The following FOXP2 variants were observed in gnomAD, a reference collection of about 807,000 sequenced individuals.
The protein encoded by FOXP2 is forkhead box protein P2.
FOXP2 carries 12 observed loss-of-function variants against 115.8 expected under a neutral mutation model. That is an observed-to-expected ratio of 0.10 (90% CI 0.07 to 0.17). The LOEUF (loss-of-function observed/expected upper bound fraction) is 0.17, where lower values mean the gene tolerates loss of function less well. FOXP2 is among the 10% of genes least tolerant of loss of function. The pLI, the probability that FOXP2 is intolerant of heterozygous loss-of-function variation, is 1.00. For missense variants in FOXP2, 629 were observed against 843.5 expected (o/e 0.75, Z 3.15); for synonymous variants, 328 against 297.7 (o/e 1.10, Z -1.05).
intron 2 of FOXP2, among the ~76,000 whole-genome samples, chr7:114,505,047 C>T (rs762058168): frequency 9.2e-5 from 14 of 151,592 alleles, no homozygotes; most frequent in Non-Finnish European, 1.8e-4. Context: ...TTTAGATTTT[C>T]GTATATGCAT....
At chr7:114,198,942 C>T (rs897688166) in intron 1 of FOXP2, among the ~76,000 whole-genome samples, 2 of 152,180 alleles carry the variant, frequency 1.3e-5, no homozygotes, top group East Asian at 3.9e-4. Flanking sequence ...TTTTCGGGTC[C>T]TCTTTTTACT....
rs576843683 is a variant in FOXP2, at chr7:114,689,535, G to A, written c.2004-247G>A. Among the ~76,000 whole-genome samples the A allele has an allele frequency of 5.3e-5, 8 of 152,204 alleles. No homozygotes were observed. The South Asian group carries it at 1.2e-3, about 24-fold the overall frequency. On this transcript the variant is annotated intron_variant, in intron 16 of 16. Transcript: ENST00000350908. Reference sequence around the variant, plus strand: ...TCATTCAGAAAGAATGCTGAGAAACGGATGTTTTACCTAAACAGCACAGCA... The same window carrying A: ...TCATTCAGAAAGAATGCTGAGAAACAGATGTTTTACCTAAACAGCACAGCA...
At chr7:114,517,095 T>G (rs1434063668) in intron 2 of FOXP2, among the ~76,000 whole-genome samples, 2 of 152,254 alleles carry the variant, frequency 1.3e-5, no homozygotes, top group Non-Finnish European at 2.9e-5. Context: ...ATTCATCTGA[T>G]GATGAGTGAT....
intron 2 of FOXP2, among the ~76,000 whole-genome samples, chr7:114,329,011 T>C (rs1361590795): frequency 6.6e-6 from 1 of 152,158 alleles, no homozygotes; most frequent in Non-Finnish European, 1.5e-5. Flanking sequence ...GGGAAGGAAC[T>C]ATACAGCAAT....
chr7:114,660,211 G>T (rs905458492), intron 13 of FOXP2, among the ~76,000 whole-genome samples: 4 of 152,124 alleles, frequency 2.6e-5, no homozygotes, highest in African/African-American at 9.7e-5. Flanking sequence ...AGACAAAAGG[G>T]TTCATCTATA....
In FOXP2 at chr7:114,143,456, C is replaced by T. The variant is rs573425159; in HGVS notation, c.-246-19488C>T. On this transcript the variant is annotated intron_variant, in intron 1 of 19. Coordinates refer to the FOXP2 transcript ENST00000635638. ...GTTATTCTGTAGTAACAAACAATGCCCCCCCACCCCCAGTCTATTTGGATT... is the reference window on the plus strand; with the variant it reads ...GTTATTCTGTAGTAACAAACAATGCTCCCCCACCCCCAGTCTATTTGGATT... 1.9e-4 allele frequency among the ~76,000 whole-genome samples: 29 copies of T among 151,748 alleles called. 1 individual carries two copies. Among genetic ancestry groups the T allele is most frequent in the African/African-American group, 7.0e-4 (29 of 41,342 alleles).
intron 10 of FOXP2, among the ~76,000 whole-genome samples, chr7:114,655,595 C>T (rs1806543182): frequency 6.6e-6 from 1 of 151,974 alleles, no homozygotes; most frequent in African/African-American, 2.4e-5. Context: ...TACTCACAAC[C>T]CTCAAAAAAA....
chr7:114,163,432 G>GT lies in FOXP2; in HGVS notation c.-102+353dup, dbSNP rs202045178. ...ATAATCTCTTTTTGCTCTAAACTTT[G>GT]TTTTTTTTTCTTTTATATTTCTTCA... On this transcript the variant is annotated intron_variant, in intron 1 of 17. Transcript: ENST00000634411. Among the ~76,000 whole-genome samples, 1,469 of 150,202 alleles carry GT rather than the reference G, an allele frequency of 9.8e-3. 32 individuals are homozygous for GT. The highest frequency in any genetic ancestry group is 0.034 in the African/African-American group (1,389 of 40,982).
Position 114,693,275 on chromosome 7 carries a change from A to G in FOXP2, c.*3349A>G, listed in dbSNP as rs1808773401. ...TCTGTGTCTACAGCTGCTTAACTTC[A>G]TAAGAATGCATTTCTTTGTGATTAG... is the stretch of plus-strand genomic sequence containing the variant. On this transcript the variant is annotated 3_prime_UTR_variant, in exon 17 of 17. Coordinates refer to ENST00000350908, the MANE Select transcript of FOXP2 (RefSeq NM_014491.4). 2.2e-6 allele frequency: 1 copy of G among 450,920 alleles called. No individual in the cohort carries two copies. Among genetic ancestry groups the G allele is most frequent in the Admixed American group, 2.4e-5 (1 of 42,288 alleles). 27.9% of individuals were successfully genotyped at this position (450,920 alleles called of 1,614,324 possible). A position where few individuals can be genotyped will look rare whatever the true frequency, so the allele number is the denominator to read the frequency against.
chr7:114,535,858 G>A (rs1349324643), intron 3 of FOXP2, among the ~76,000 whole-genome samples: 1 of 151,408 alleles, frequency 6.6e-6, no homozygotes, highest in African/African-American at 2.4e-5. Flanking sequence ...GGAAATGAAA[G>A]TTTTATTTAA....
intron 3 of FOXP2, among the ~76,000 whole-genome samples, chr7:114,597,328 G>A (rs1051500609): frequency 6.6e-6 from 1 of 152,064 alleles, no homozygotes; most frequent in African/African-American, 2.4e-5. Context: ...AACTATGCAA[G>A]TGTGCCAAAT....
intron 2 of FOXP2, among the ~76,000 whole-genome samples, chr7:114,327,873 TGTAA>T: frequency 6.6e-6 from 1 of 151,550 alleles, no homozygotes; most frequent in Non-Finnish European, 1.5e-5. Context: ...TTTTTCACTA[TGTAA>T]GTTTTATTTA....
chr7:114,285,408 C>T (rs925568890), intron 1 of FOXP2: 3 of 151,968 alleles, frequency 2.0e-5, no homozygotes, highest in Non-Finnish European at 4.4e-5. Context: ...TTATCAGTTT[C>T]AACAGGAGTT....
chr7:114,358,490 A>C (rs1390052207), intron 2 of FOXP2, among the ~76,000 whole-genome samples: 1 of 152,172 alleles, frequency 6.6e-6, no homozygotes. Context: ...AGACAGGAAA[A>C]TGTGGGAAAG....
intron 2 of FOXP2, among the ~76,000 whole-genome samples, chr7:114,468,194 A>G (rs1795894453): frequency 6.6e-6 from 1 of 152,100 alleles, no homozygotes; most frequent in African/African-American, 2.4e-5. Flanking sequence ...CCCCTAAAGT[A>G]GTGTTTCTCC....
chr7:114,608,367 A>G (rs974065108), intron 3 of FOXP2, among the ~76,000 whole-genome samples: 1 of 152,104 alleles, frequency 6.6e-6, no homozygotes, highest in Non-Finnish European at 1.5e-5. Flanking sequence ...TATAGCTAAT[A>G]TGATTGAGGT....
At chr7:114,288,255 T>G (rs1796512573) in intron 2 of FOXP2, 1 of 368,864 alleles carries the variant, frequency 2.7e-6, no homozygotes, top group Admixed American at 3.4e-5. Context: ...TGAGACATGT[T>G]AAGTGTGGCA....
At chr7:114,389,457 G>T (rs985357241) in intron 2 of FOXP2, among the ~76,000 whole-genome samples, 1 of 152,200 alleles carries the variant, frequency 6.6e-6, no homozygotes, top group African/African-American at 2.4e-5. Context: ...AAATTTTAAG[G>T]TTGGCAGCGT....
At chr7:114,439,753 A>G (rs1423216914) in intron 2 of FOXP2, among the ~76,000 whole-genome samples, 1 of 150,624 alleles carries the variant, frequency 6.6e-6, no homozygotes, top group Non-Finnish European at 1.5e-5. Context: ...GTGTGTGTGT[A>G]TGTGGAGACA....
Sources: gnomAD v4.1 joint callset for allele counts (sites outside exome capture counted in the v4.1 genomes callset) on GRCh38, gnomAD v4.1.1 for gene constraint, MANE v1.5 for transcripts, NCBI Gene and HGNC (gene_info 2026-07-23, HGNC 2026-07-21) for gene names.